ANTXR1: variants seen among roughly 807,000 people sequenced by gnomAD.
The protein encoded by ANTXR1 is anthrax toxin receptor 1.
Under a neutral mutation model 78.1 loss-of-function variants are expected in ANTXR1, and 19 were observed. That is an observed-to-expected ratio of 0.24 (90% CI 0.17 to 0.36). The LOEUF (loss-of-function observed/expected upper bound fraction) is 0.36. Among genes scored for constraint, ANTXR1 ranks in the 10% least tolerant of loss-of-function variants. ANTXR1 has a pLI of 1.00. For synonymous variants in ANTXR1, 273 were observed against 260.5 expected (o/e 1.05, Z -0.46); for missense variants, 518 against 718.6 (o/e 0.72, Z 3.19).
chr2:69,187,585 C>CTTTT lies in ANTXR1; in HGVS notation c.1353+4943_1353+4946dup, dbSNP rs58660678. On this transcript the variant is annotated intron_variant, in intron 16 of 17. Transcript: ENST00000303714. ...GGGTCACACTATTTATCATGTATTTCTTTTTTTTTTTTTTTTTTTTTGAGA... is the reference window on the plus strand; with the variant it reads ...GGGTCACACTATTTATCATGTATTTCTTTTTTTTTTTTTTTTTTTTTTTTTGAGA... Among the ~76,000 whole-genome samples, 73 of 94,870 alleles carry CTTTT rather than the reference C, an allele frequency of 7.7e-4. 4 individuals are homozygous for CTTTT. The highest frequency in any genetic ancestry group is 2.1e-3 in the African/African-American group (46 of 21,928). 62.2% of individuals were successfully genotyped at this position (94,870 alleles called of 152,430 possible).
At chr2:69,126,293 A>G (rs1672535422) in intron 12 of ANTXR1, among the ~76,000 whole-genome samples, 1 of 152,234 alleles carries the variant, frequency 6.6e-6, no homozygotes, top group Non-Finnish European at 1.5e-5. Context: ...TTACTTGACC[A>G]AAGCAAGAAA....
intron 14 of ANTXR1, among the ~76,000 whole-genome samples, chr2:69,175,137 G>A (rs1293393673): frequency 6.6e-6 from 1 of 152,222 alleles, no homozygotes; most frequent in Admixed American, 6.5e-5. Flanking sequence ...TCTGACCCGT[G>A]TCACTCACAC....
intron 2 of ANTXR1, among the ~76,000 whole-genome samples, chr2:69,040,599 T>C (rs1436078952): frequency 6.6e-6 from 1 of 152,170 alleles, no homozygotes; most frequent in Admixed American, 6.5e-5. Context: ...TCTCTAGCTG[T>C]GTGTACTATT....
intron 8 of ANTXR1, among the ~76,000 whole-genome samples, chr2:69,079,929 C>T (rs1409870569): frequency 6.6e-6 from 1 of 152,210 alleles, no homozygotes; most frequent in African/African-American, 2.4e-5. Context: ...CTTAGCAACT[C>T]ACCCAAGCTC....
intron 1 of ANTXR1, 41 bp from the exon 2 acceptor site, chr2:69,039,999 CAAGT>C (rs1225920216): frequency 2.0e-6 from 3 of 1,516,118 alleles, no homozygotes; most frequent in African/African-American, 2.7e-5. Context: ...AAGGTAAAGA[CAAGT>C]AAACACCTGA....
In ANTXR1 at chr2:69,052,739, A is replaced by G. The variant is rs1189029289; in HGVS notation, c.296+7926A>G. 3.9e-5 allele frequency among the ~76,000 whole-genome samples: 6 copies of G among 152,214 alleles called. 1 individual carries two copies. In the East Asian group the frequency reaches 1.2e-3, roughly 29 times the overall value. On this transcript the variant is annotated intron_variant, in intron 3 of 17. Coordinates refer to ENST00000303714, the MANE Select transcript of ANTXR1 (RefSeq NM_032208.3). ...TTCTGTCCATTCGATTCTTGAATCT[A>G]TCCAATATCTCTTTATATTCTAAGT...
intron 10 of ANTXR1, among the ~76,000 whole-genome samples, chr2:69,114,452 G>A (rs1672078985): frequency 6.6e-6 from 1 of 152,180 alleles, no homozygotes; most frequent in South Asian, 2.1e-4. Flanking sequence ...GCTAGACCCT[G>A]GGCCTGCACT....
intron 17 of ANTXR1, among the ~76,000 whole-genome samples, chr2:69,211,706 T>C (rs1197538441): frequency 6.6e-6 from 1 of 152,254 alleles, no homozygotes; most frequent in Non-Finnish European, 1.5e-5. Context: ...TGATCTGTTT[T>C]CATAGAGCAT....
chr2:69,189,976 A>C (rs1288958473), intron 16 of ANTXR1, among the ~76,000 whole-genome samples: 10 of 152,222 alleles, frequency 6.6e-5, no homozygotes, highest in African/African-American at 1.9e-4. Context: ...GGCTGAGTAT[A>C]GAATTTTTGA....
intron 17 of ANTXR1, among the ~76,000 whole-genome samples, chr2:69,239,422 A>G (rs1027559956): frequency 6.6e-5 from 10 of 152,180 alleles, no homozygotes; most frequent in Non-Finnish European, 2.9e-5. Flanking sequence ...TACAAAAAAA[A>G]TTAGCCAGGT....
chr2:69,105,062 G>C (rs1349955349), intron 10 of ANTXR1, among the ~76,000 whole-genome samples: 3 of 152,170 alleles, frequency 2.0e-5, no homozygotes, highest in African/African-American at 7.2e-5. Context: ...CTCCAGCCTG[G>C]GTGACAGAGT....
At chr2:69,228,744 G>A (rs1026575677) in intron 17 of ANTXR1, among the ~76,000 whole-genome samples, 1 of 152,152 alleles carries the variant, frequency 6.6e-6, no homozygotes. Context: ...ATATGAGTAG[G>A]GGGCTTGGCC....
chr2:69,124,488 GTCCTGTGTGTCTGGCTCTC>G, intron 11 of ANTXR1, 58 bp from the exon 12 acceptor site: 1 of 1,260,548 alleles, frequency 7.9e-7, no homozygotes, highest in Non-Finnish European at 1.2e-6. Context: ...GCCCAAAGGA[GTCCTGTGTGTCTGGCTCTC>G]AGCCTGTTGC....
At chr2:69,232,771 G>A (rs1411161749) in intron 17 of ANTXR1, among the ~76,000 whole-genome samples, 1 of 152,070 alleles carries the variant, frequency 6.6e-6, no homozygotes, top group Non-Finnish European at 1.5e-5. Context: ...CGGAATCTAT[G>A]AATAAAAAAC....
intron 13 of ANTXR1, among the ~76,000 whole-genome samples, chr2:69,165,724 A>G (rs1455951694): frequency 6.6e-6 from 1 of 152,274 alleles, no homozygotes; most frequent in Non-Finnish European, 1.5e-5. Flanking sequence ...AAAGGTGCCC[A>G]TGTTGAGAAC....
intron 16 of ANTXR1, among the ~76,000 whole-genome samples, chr2:69,183,966 A>T (rs540930618): frequency 1.8e-4 from 27 of 152,212 alleles, no homozygotes; most frequent in African/African-American, 5.1e-4. Flanking sequence ...TACAGACTCC[A>T]GTTTCAAGCT....
intron 1 of ANTXR1, among the ~76,000 whole-genome samples, chr2:69,019,677 C>T (rs550718521): frequency 1.3e-5 from 2 of 152,200 alleles, no homozygotes; most frequent in African/African-American, 4.8e-5. Flanking sequence ...ATTTCATCAC[C>T]GAGGTATCAA....
chr2:69,070,705 T>A lies in ANTXR1; in HGVS notation c.355T>A (p.Tyr119Asn). Residue 119 changes from tyrosine to asparagine, a missense_variant, in exon 4 of 18, where the codon TAC (tyrosine) becomes AAC (asparagine). Transcript: ENST00000303714. ...GAAAGTTCTGCCAGGAGGAGACACTTACATGCATGAAGGATTTGAAAGGGT... is the reference window on the plus strand; with the variant it reads ...GAAAGTTCTGCCAGGAGGAGACACTAACATGCATGAAGGATTTGAAAGGGT... ...LQKVLPGGDT[Y>N]MHEGFERASE... The A allele has an allele frequency of 6.2e-7, 1 of 1,614,106 alleles. No homozygotes were observed. Among genetic ancestry groups the A allele is most frequent in the Non-Finnish European group, 8.5e-7 (1 of 1,179,986 alleles).
At chr2:69,032,547 G>T (rs1379355060) in intron 1 of ANTXR1, among the ~76,000 whole-genome samples, 2 of 152,152 alleles carry the variant, frequency 1.3e-5, no homozygotes, top group African/African-American at 4.8e-5. Flanking sequence ...TCTGGGGGAT[G>T]CAAAGTGGCT....
Sources: gnomAD v4.1 joint callset for allele counts (sites outside exome capture counted in the v4.1 genomes callset) on GRCh38, gnomAD v4.1.1 for gene constraint, MANE v1.5 for transcripts, NCBI Gene and HGNC (gene_info 2026-07-23, HGNC 2026-07-21) for gene names.